Variants in TMCO4 observed in about 807,000 individuals in gnomAD.
TMCO4 encodes transmembrane and coiled-coil domain-containing protein 4.
TMCO4 carries 58 observed loss-of-function variants against 64.7 expected under a neutral mutation model. The observed-to-expected ratio is 0.90, with a 90% confidence interval of 0.73 to 1.12. The LOEUF (loss-of-function observed/expected upper bound fraction) is 1.12. Ranked by LOEUF, TMCO4 falls within the 50% of genes most tolerant of loss-of-function variation. TMCO4 has a pLI of 0.00. For synonymous variants in TMCO4, 325 were observed against 346.1 expected, an observed-to-expected ratio of 0.94 and a Z score of 0.68; for missense variants, 780 against 825.9, an observed-to-expected ratio of 0.94 and a Z score of 0.68.
intron 6 of TMCO4, among the ~76,000 whole-genome samples, chr1:19,756,919 AAAT>A (rs1356069659): frequency 6.6e-6 from 1 of 152,234 alleles, no homozygotes; most frequent in Non-Finnish European, 1.5e-5. Flanking sequence ...TAATGAAACA[AAAT>A]TTTTAATGCA....
chr1:19,748,091 A>G (rs2041867842), intron 7 of TMCO4, among the ~76,000 whole-genome samples: 1 of 152,222 alleles, frequency 6.6e-6, no homozygotes, highest in Admixed American at 6.5e-5. Context: ...ATCTTATCCT[A>G]AGAAGCAGTA....
At chr1:19,753,416 G>T (rs1258588096) in intron 7 of TMCO4, among the ~76,000 whole-genome samples, 1 of 152,190 alleles carries the variant, frequency 6.6e-6, no homozygotes, top group African/African-American at 2.4e-5. Context: ...GAGAGATGAA[G>T]AAATGAGGCA....
At chr1:19,738,052 A>G (rs982242504) in intron 12 of TMCO4, among the ~76,000 whole-genome samples, 2 of 152,204 alleles carry the variant, frequency 1.3e-5, no homozygotes, top group East Asian at 3.9e-4. Context: ...TCATGTCAAG[A>G]CTCTAAAGAA....
At chr1:19,725,985 CTGCA>C (rs1269765011) in intron 13 of TMCO4, among the ~76,000 whole-genome samples, 1 of 152,236 alleles carries the variant, frequency 6.6e-6, no homozygotes, top group Non-Finnish European at 1.5e-5. Context: ...GCATGGTCCC[CTGCA>C]AGAAGCCCTC....
intron 13 of TMCO4, among the ~76,000 whole-genome samples, chr1:19,705,732 G>C (rs538362036): frequency 2.6e-5 from 4 of 151,930 alleles, no homozygotes; most frequent in African/African-American, 9.6e-5. Context: ...GGTGTAGGAG[G>C]GGAAACCTAT....
intron 3 of TMCO4, among the ~76,000 whole-genome samples, chr1:19,784,226 G>C (rs894086776): frequency 1.3e-5 from 2 of 152,132 alleles, no homozygotes; most frequent in Non-Finnish European, 2.9e-5. Context: ...ATGAGGATGT[G>C]TCTAGAGTAC....
chr1:19,795,948 T>A (rs1025975884), intron 2 of TMCO4, among the ~76,000 whole-genome samples: 2 of 152,200 alleles, frequency 1.3e-5, no homozygotes, highest in African/African-American at 4.8e-5. Context: ...TGCTTCCAGC[T>A]CATCCTCAGC....
intron 15 of TMCO4, among the ~76,000 whole-genome samples, chr1:19,692,438 G>C (rs192457774): frequency 6.6e-6 from 1 of 152,210 alleles, no homozygotes. Context: ...TCTGTAAAAG[G>C]CTTAGGGCAG....
At chr1:19,719,707 A>T (rs11591018) in intron 13 of TMCO4, among the ~76,000 whole-genome samples, 19,961 of 151,874 alleles carry the variant, frequency 0.13, 1,734 homozygotes, top group African/African-American at 0.25. Context: ...TAAAAAAAAA[A>T]TTTTGGCTGG....
chr1:19,697,802 G>A (rs2095246956), intron 14 of TMCO4, among the ~76,000 whole-genome samples: 1 of 147,054 alleles, frequency 6.8e-6, no homozygotes. Flanking sequence ...GTGGACACAG[G>A]TTTTGCCATG....
chr1:19,748,578 A>G (rs1376095851), intron 7 of TMCO4, among the ~76,000 whole-genome samples: 1 of 152,170 alleles, frequency 6.6e-6, no homozygotes, highest in Non-Finnish European at 1.5e-5. Flanking sequence ...TAAACCCAGC[A>G]CTTTGGGAGG....
At position 19,732,833 on chromosome 1, in the gene TMCO4, G is replaced by A. The variant is rs146844437; in HGVS notation, c.1264+4539C>T. On this transcript the variant is annotated intron_variant, in intron 13 of 15. Coordinates refer to ENST00000294543, the MANE Select transcript of TMCO4 (RefSeq NM_181719.7). This position sits in a 1 kb window ranked among gnomAD's most constrained non-coding sequence, Gnocchi z 4.8. ...CACTTTTGTCCACCGGGTTCATCTT[G>A]GAGTCAGATTCCTATCAGATTCTTG... Among the ~76,000 whole-genome samples the A allele has an allele frequency of 5.9e-5, 9 of 152,284 alleles. No homozygotes were observed. In the East Asian group the frequency reaches 1.7e-3, roughly 29 times the overall value.
At chr1:19,774,548 T>C (rs1189267707) in intron 4 of TMCO4, among the ~76,000 whole-genome samples, 2 of 152,064 alleles carry the variant, frequency 1.3e-5, no homozygotes, top group African/African-American at 4.8e-5. Flanking sequence ...CATAGACAAA[T>C]GAATTAAAAA....
chr1:19,691,247 C>T (rs1031841657), intron 15 of TMCO4, among the ~76,000 whole-genome samples: 1 of 152,058 alleles, frequency 6.6e-6, no homozygotes, highest in African/African-American at 2.4e-5. Context: ...TACCCCAGTC[C>T]CCAAAGCTCC....
chr1:19,720,695 A>G (rs1372761104), intron 13 of TMCO4, among the ~76,000 whole-genome samples: 3 of 152,208 alleles, frequency 2.0e-5, no homozygotes, highest in Admixed American at 6.5e-5. Context: ...CGAAAAAATA[A>G]AGAACAATGA....
intron 14 of TMCO4, among the ~76,000 whole-genome samples, chr1:19,698,096 C>T (rs1557467142): frequency 6.6e-6 from 1 of 152,216 alleles, no homozygotes; most frequent in Non-Finnish European, 1.5e-5. Flanking sequence ...CCACTCTCTC[C>T]CAGGCCCTCC....
Position 19,770,560 on chromosome 1 carries a change from T to C in TMCO4, c.364A>G (p.Ser122Gly), listed in dbSNP as rs2042935237. The C allele has an allele frequency of 1.9e-6, 3 of 1,613,566 alleles. No homozygotes were observed. Among genetic ancestry groups the C allele is most frequent in the Non-Finnish European group, 1.7e-6 (2 of 1,179,852 alleles). Residue 122 changes from serine to glycine, a missense_variant, in exon 6 of 16, where the codon AGC becomes GGC. Transcript: ENST00000294543. ...AACTTACCATCCTTGAGTGAGAAGCTCAGAAGGTCCTGAGGGAGAAGACAA... is the reference window on the plus strand; with the variant it reads ...AACTTACCATCCTTGAGTGAGAAGCCCAGAAGGTCCTGAGGGAGAAGACAA... ...DPTVITQDLL[S>G]FSLKDGHYDA...
At chr1:19,692,248 C>T (rs1302883848) in intron 15 of TMCO4, among the ~76,000 whole-genome samples, 1 of 152,142 alleles carries the variant, frequency 6.6e-6, no homozygotes, top group Non-Finnish European at 1.5e-5. Context: ...CCTTATTCCT[C>T]CCCTCCCCGC....
intron 7 of TMCO4, among the ~76,000 whole-genome samples, chr1:19,752,299 T>C (rs1416952720): frequency 6.6e-6 from 1 of 152,132 alleles, no homozygotes; most frequent in African/African-American, 2.4e-5. Flanking sequence ...TGATTAGATA[T>C]GACAGCAACC....
Sources: gnomAD v4.1 joint callset for allele counts (sites outside exome capture counted in the v4.1 genomes callset) on GRCh38, gnomAD v4.1.1 for gene constraint, Gnocchi (gnomAD v3.1) non-coding constraint, MANE v1.5 for transcripts, NCBI Gene and HGNC (gene_info 2026-07-23, HGNC 2026-07-21) for gene names.